Variants in COL19A1 observed in about 807,000 individuals in gnomAD.
The protein encoded by COL19A1 is collagen alpha-1(XIX) chain.
Under a neutral mutation model 190.2 loss-of-function variants are expected in COL19A1, and 159 were observed. The ratio of observed to expected loss-of-function variants is 0.84; its 90% CI spans 0.73 to 0.95. The LOEUF is 0.95. Ranked by LOEUF, COL19A1 falls within the 40% of genes least tolerant of loss-of-function variation. The pLI, the probability that COL19A1 is intolerant of heterozygous loss-of-function variation, is 0.00. For synonymous variants in COL19A1, 509 were observed against 458.9 expected (o/e 1.11, Z -1.39); for missense variants, 1,418 against 1,431.9 (o/e 0.99, Z 0.16).
chr6:69,971,218 A>G (rs970079947), intron 11 of COL19A1, among the ~76,000 whole-genome samples: 3 of 152,238 alleles, frequency 2.0e-5, no homozygotes, highest in Non-Finnish European at 4.4e-5. Context: ...TTAAAGTATT[A>G]TTTTAATGAT....
rs1768113404 is a variant in COL19A1 at position 70,210,359 on chromosome 6, A to G, written c.*3085A>G. Among the ~76,000 whole-genome samples the G allele has an allele frequency of 6.6e-6, 1 of 152,172 alleles. No individual in the cohort carries two copies. The highest frequency in any genetic ancestry group is 2.1e-4 in the South Asian group (1 of 4,824). On this transcript the variant is annotated 3_prime_UTR_variant, in exon 51 of 51. Transcript: ENST00000620364. ...ATGGATTTGTTCATTGTTCTTTCCA[A>G]CTGAAGGCAGTAACCATTACTTCTA...
intron 4 of COL19A1, among the ~76,000 whole-genome samples, chr6:69,924,907 T>A (rs893361119): frequency 9.2e-5 from 14 of 152,216 alleles, no homozygotes; most frequent in Admixed American, 9.2e-4. Context: ...TCTGTTCACA[T>A]CCTTTGCCCA....
intron 11 of COL19A1, among the ~76,000 whole-genome samples, chr6:69,997,676 G>A (rs912761166): frequency 6.6e-6 from 1 of 151,936 alleles, no homozygotes; most frequent in Non-Finnish European, 1.5e-5. Flanking sequence ...TGGATAAATT[G>A]AAATGATCTA....
chr6:69,874,395 GC>G (rs1225707930), intron 1 of COL19A1, among the ~76,000 whole-genome samples: 1 of 152,176 alleles, frequency 6.6e-6, no homozygotes, highest in Non-Finnish European at 1.5e-5. Flanking sequence ...AGCTGAATGG[GC>G]TACACTTCCA....
At chr6:69,930,808 AAAAC>A (rs764384017) in intron 6 of COL19A1, among the ~76,000 whole-genome samples, 22 of 152,188 alleles carry the variant, frequency 1.4e-4, no homozygotes, top group Non-Finnish European at 2.6e-4. Context: ...CAAAAAACAA[AAAAC>A]AAACAAACAA....
At chr6:70,134,838 A>C (rs1306729345) in intron 18 of COL19A1, among the ~76,000 whole-genome samples, 1 of 152,170 alleles carries the variant, frequency 6.6e-6, no homozygotes, top group African/African-American at 2.4e-5. Flanking sequence ...TTTGCAACAG[A>C]CACCAGCTGA....
intron 15 of COL19A1, among the ~76,000 whole-genome samples, chr6:70,071,344 G>C (rs1781543464): frequency 6.6e-6 from 1 of 152,004 alleles, no homozygotes; most frequent in African/African-American, 2.4e-5. Flanking sequence ...CCAAGGTTCT[G>C]TTTGAAATTT....
At chr6:70,137,851 C>A in intron 19 of COL19A1, 104 bp downstream of exon 19, 1 of 1,042,786 alleles carries the variant, frequency 9.6e-7, no homozygotes, top group Non-Finnish European at 1.5e-6. Context: ...TTGATCCTGT[C>A]ATGGGAAACA....
intron 11 of COL19A1, among the ~76,000 whole-genome samples, chr6:70,000,868 T>C (rs1777218392): frequency 1.3e-5 from 2 of 152,202 alleles, no homozygotes; most frequent in South Asian, 4.1e-4. Context: ...AGCTCTTTAG[T>C]ATAATTATAT....
chr6:70,077,036 A>G (rs1781923734), intron 15 of COL19A1, among the ~76,000 whole-genome samples: 1 of 129,458 alleles, frequency 7.7e-6, no homozygotes, highest in South Asian at 2.3e-4. Flanking sequence ...AAATATAAAC[A>G]GATAAATTTT....
intron 31 of COL19A1, among the ~76,000 whole-genome samples, chr6:70,152,196 T>G (rs1434110345): frequency 6.6e-6 from 1 of 152,122 alleles, no homozygotes; most frequent in Non-Finnish European, 1.5e-5. Context: ...CAGTGTGTTG[T>G]ATCTGTCTTT....
intron 42 of COL19A1, among the ~76,000 whole-genome samples, chr6:70,178,398 CACTG>C (rs752195168): frequency 1.3e-5 from 2 of 152,038 alleles, no homozygotes; most frequent in Non-Finnish European, 2.9e-5. Context: ...AAAATAAAAG[CACTG>C]ACTGACAATT....
At position 70,156,654 on chromosome 6, in the gene COL19A1, T is replaced by G; in HGVS notation, c.2239-16T>G. ...AAAATGATTGCATGTGCTAGCTGAA[T>G]GTATTGTCTTTTTAGGGAAGCAAAG... On this transcript the variant is annotated splice_polypyrimidine_tract_variant and intron_variant, in intron 33 of 50. Transcript: ENST00000620364. 6.2e-7 allele frequency: 1 copy of G among 1,611,070 alleles called. No homozygotes were observed. The highest frequency in any genetic ancestry group is 8.5e-7 in the Non-Finnish European group (1 of 1,178,136).
chr6:70,053,279 A>T (rs1780310151), intron 14 of COL19A1, among the ~76,000 whole-genome samples: 1 of 152,218 alleles, frequency 6.6e-6, no homozygotes, highest in Admixed American at 6.5e-5. Context: ...CTTGAAAATA[A>T]CATTCTGATT....
At position 69,940,215 on chromosome 6, in the gene COL19A1, C is replaced by T. The variant is rs189978907; in HGVS notation, c.936+2115C>T. On this transcript the variant is annotated intron_variant, in intron 9 of 50. Coordinates refer to ENST00000620364, the MANE Select transcript of COL19A1 (RefSeq NM_001858.6). ...CCTATACCTTTTAAGGATGCATTTT[C>T]CCCCTCGATTCCCTTTAATCATAAA... 4.4e-3 allele frequency among the ~76,000 whole-genome samples: 668 copies of T among 152,160 alleles called. 5 individuals are homozygous for T. Among genetic ancestry groups the T allele is most frequent in the African/African-American group, 0.015 (623 of 41,530 alleles).
At chr6:70,123,982 A>C (rs1395770533) in intron 17 of COL19A1, among the ~76,000 whole-genome samples, 1 of 149,824 alleles carries the variant, frequency 6.7e-6, no homozygotes, top group Non-Finnish European at 1.5e-5. Flanking sequence ...TAAAAAAAAA[A>C]CTAAAAAAAA....
intron 12 of COL19A1, among the ~76,000 whole-genome samples, chr6:70,027,034 A>G (rs1778765745): frequency 6.6e-6 from 1 of 152,156 alleles, no homozygotes; most frequent in Admixed American, 6.5e-5. Context: ...CATTCTTAGG[A>G]ATTGAAAGGT....
chr6:70,149,758 T>A lies in COL19A1; in HGVS notation c.1929+19T>A. On this transcript the variant is annotated intron_variant, in intron 28 of 50. Transcript: ENST00000620364. The stretch of plus-strand genomic sequence containing the variant: ...TATTCAGGTAAGCTATTTAACTAAT[T>A]TTTTAGCACAGCAAAGCCAGCTTGC... The A allele has an allele frequency of 6.2e-7, 1 of 1,613,658 alleles. No homozygotes were observed. Among genetic ancestry groups the A allele is most frequent in the Non-Finnish European group, 8.5e-7 (1 of 1,179,772 alleles).
At chr6:70,142,586 A>T (rs1274834065) in intron 22 of COL19A1, among the ~76,000 whole-genome samples, 181 bp from the exon 23 acceptor site, 2 of 152,148 alleles carry the variant, frequency 1.3e-5, no homozygotes, top group African/African-American at 4.8e-5. Context: ...GTATCTGGAA[A>T]CTATCTTGGT....
Sources: allele counts gnomAD v4.1 joint callset (sites outside exome capture counted in the v4.1 genomes callset), GRCh38; gene constraint gnomAD v4.1.1; transcripts MANE v1.5; gene names NCBI Gene and HGNC (gene_info 2026-07-23, HGNC 2026-07-21).